The following MTHFSD variants were observed in gnomAD, a reference collection of about 807,000 sequenced individuals.
The protein encoded by MTHFSD is methenyltetrahydrofolate synthetase domain containing.
MTHFSD carries 37 observed loss-of-function variants against 31.1 expected under a neutral mutation model. That is an observed-to-expected ratio of 1.19 (90% confidence interval 0.91 to 1.56). The LOEUF is 1.56. Ranked by LOEUF, MTHFSD falls within the 40% of genes most tolerant of loss-of-function variation. MTHFSD has a pLI of 0.00. For missense variants in MTHFSD, 664 were observed against 510.1 expected, an observed-to-expected ratio of 1.30 and a Z score of -2.91; for synonymous variants, 221 against 206.9, an observed-to-expected ratio of 1.07 and a Z score of -0.59.
At position 86,542,526 on chromosome 16, in the gene MTHFSD, A is replaced by T. The variant is rs994280330; in HGVS notation, c.443-313T>A. ...TGTCAGCTTTATGTTAGCAAGACTC[A>T]TACTTAAAAAGAATGAAAAGAGCAG... On this transcript the variant is annotated intron_variant, in intron 5 of 7. Transcript: ENST00000360900. The surrounding 1 kb of genome is among the most constrained non-coding windows in gnomAD (Gnocchi z 4.6). 1 of 254,144 alleles carries T rather than the reference A, an allele frequency of 3.9e-6. No individual in the cohort carries two copies. Among genetic ancestry groups the T allele is most frequent in the Non-Finnish European group, 7.5e-6 (1 of 134,056 alleles). The allele number at this position is 254,144 out of a possible 1,614,324, so 15.7% of individuals were successfully genotyped here. A position where few individuals can be genotyped will look rare whatever the true frequency, so the allele number is the denominator to read the frequency against.
At chr16:86,541,291 TAA>T (rs34551811) in intron 7 of MTHFSD, 6,026 of 763,740 alleles carry the variant, frequency 7.9e-3, no homozygotes, top group South Asian at 0.018. Flanking sequence ...AGATCGTCAG[TAA>T]AAAAAAAAAA....
At chr16:86,551,909 A>T in intron 3 of MTHFSD, 124 bp downstream of exon 3, 1 of 1,504,124 alleles carries the variant, frequency 6.6e-7, no homozygotes, top group Non-Finnish European at 8.8e-7. Context: ...CACTTTCTGT[A>T]TTGGAGGGAA....
rs371958333 is a variant in MTHFSD, at chr16:86,541,844, A to T, written c.556-22T>A. The T allele has an allele frequency of 1.7e-4, 271 of 1,613,174 alleles. 1 individual carries two copies. The highest frequency in any genetic ancestry group is 2.1e-4 in the Non-Finnish European group (242 of 1,179,362). Reference sequence around the variant, plus strand: ...CGACCTGGGGGAAGAGAGGAGGGATAAAGGGGCTGCTGGGAATGCCACTGC... The same window carrying T: ...CGACCTGGGGGAAGAGAGGAGGGATTAAGGGGCTGCTGGGAATGCCACTGC... On this transcript the variant is annotated intron_variant, in intron 6 of 7. Coordinates refer to ENST00000360900, the MANE Select transcript of MTHFSD (RefSeq NM_001159377.2).
At chr16:86,544,165 G>T (rs908216201) in intron 5 of MTHFSD, among the ~76,000 whole-genome samples, 10 of 151,404 alleles carry the variant, frequency 6.6e-5, no homozygotes, top group Non-Finnish European at 5.9e-5. Context: ...TCCTGAAACC[G>T]TCCCCTCCCT....
chr16:86,554,798 G>A, intron 1 of MTHFSD, 47 bp from the exon 2 acceptor site: 1 of 1,527,284 alleles, frequency 6.5e-7, no homozygotes, highest in Non-Finnish European at 9.1e-7. Context: ...GAATTCCAGA[G>A]CCCATGCTGA....
intron 2 of MTHFSD, 157 bp from the exon 3 acceptor site, chr16:86,552,303 T>G: frequency 6.4e-7 from 1 of 1,550,546 alleles, no homozygotes; most frequent in Non-Finnish European, 8.7e-7. Context: ...CTGTTTCCAA[T>G]GCAATCGCAC....
At chr16:86,554,199 G>T (rs1973682843) in intron 2 of MTHFSD, among the ~76,000 whole-genome samples, 1 of 152,138 alleles carries the variant, frequency 6.6e-6, no homozygotes, top group South Asian at 2.1e-4. Flanking sequence ...CCCTGCCTTT[G>T]TGAGCTGCAA....
Position 86,546,618 on chromosome 16 carries a change from A to G in MTHFSD, c.383T>C (p.Leu128Ser). ...GVRNYSVPIG[L>S]DSRVLVDLVV... Reference sequence around the variant, plus strand: ...TAAATCCACGAGGACTCTGGAGTCCAAGCCTATGGGGACACTGTAGTTCCT... The same window carrying G: ...TAAATCCACGAGGACTCTGGAGTCCGAGCCTATGGGGACACTGTAGTTCCT... The change falls in exon 5 of 8, where the codon TTG becomes TCG. Residue 128 changes from leucine to serine, a missense_variant. Transcript: ENST00000360900. 6.2e-7 allele frequency: 1 copy of G among 1,613,988 alleles called. No homozygotes were observed. Among genetic ancestry groups the G allele is most frequent in the Non-Finnish European group, 8.5e-7 (1 of 1,180,012 alleles).
In MTHFSD at chr16:86,530,527, G is replaced by C. The variant is rs1009436399; in HGVS notation, c.*1484C>G. 2 of 152,120 alleles carry C rather than the reference G, an allele frequency of 1.3e-5. No homozygotes were observed. The highest frequency in any genetic ancestry group is 4.8e-5 in the African/African-American group (2 of 41,396). 9.4% of individuals were successfully genotyped at this position (152,120 alleles called of 1,614,324 possible). A position where few individuals can be genotyped will look rare whatever the true frequency, so the allele number is the denominator to read the frequency against. ...GCAGGGCTGTGCCCACTGCCGGTGG[G>C]GCAGGGAGTGGAGAAGGGGGGCTGA... On this transcript the variant is annotated 3_prime_UTR_variant, in exon 8 of 8. Coordinates refer to ENST00000360900, the MANE Select transcript of MTHFSD (RefSeq NM_001159377.2).
At position 86,552,248 on chromosome 16, in the gene MTHFSD, G is replaced by C. The variant is rs372085923; in HGVS notation, c.124-102C>G. 3.1e-6 allele frequency: 5 copies of C among 1,609,794 alleles called. No individual in the cohort carries two copies. In the African/African-American group the frequency reaches 6.7e-5, roughly 22 times the overall value. The stretch of plus-strand genomic sequence containing the variant: ...TTACTTTAATGGTCCTGGCCGTTTT[G>C]AACGCCTGCAAGCGTGGGAGTTGCT... On this transcript the variant is annotated intron_variant, in intron 2 of 7. Coordinates refer to ENST00000360900, the MANE Select transcript of MTHFSD (RefSeq NM_001159377.2).
At chr16:86,541,873 C>G in intron 6 of MTHFSD, 51 bp from the exon 7 acceptor site, 1 of 1,606,748 alleles carries the variant, frequency 6.2e-7, no homozygotes. Context: ...CCACTGCAGT[C>G]GTGCACACTG....
chr16:86,552,107 C>T lies in MTHFSD; in HGVS notation c.163G>A (p.Val55Ile), dbSNP rs1415038379. Residue 55 changes from valine to isoleucine, a missense_variant, in exon 3 of 8, where the codon GTT becomes ATT. Physicochemically the swap from Val to Ile is conservative, Grantham distance 29. Coordinates refer to ENST00000360900, the MANE Select transcript of MTHFSD (RefSeq NM_001159377.2). Reference sequence around the variant, plus strand: ...TTAACTTCCTGTGTTCTGGCAAAAACGTCTAGGTCTTTGATGTTTTGGCAA... The same window carrying T: ...TTAACTTCCTGTGTTCTGGCAAAAATGTCTAGGTCTTTGATGTTTTGGCAA... ...LACQNIKDLD[V>I]FARTQEVKVD... The T allele has an allele frequency of 4.3e-6, 7 of 1,614,176 alleles. No homozygotes were observed. Among genetic ancestry groups the T allele is most frequent in the Non-Finnish European group, 5.9e-6 (7 of 1,180,042 alleles).
Position 86,532,483 on chromosome 16 carries a change from T to A in MTHFSD, c.682-2A>T. 7.1e-7 allele frequency: 1 copy of A among 1,402,904 alleles called. No individual in the cohort carries two copies. Among genetic ancestry groups the A allele is most frequent in the African/African-American group, 1.5e-5 (1 of 67,848 alleles). 86.9% of individuals were successfully genotyped at this position (1,402,904 alleles called of 1,614,324 possible). On this transcript the variant is annotated splice_acceptor_variant, in intron 7 of 7. Coordinates refer to ENST00000360900, the MANE Select transcript of MTHFSD (RefSeq NM_001159377.2). LOFTEE classifies it high-confidence loss of function. ...TTTCTCCATCATCTCCAGGCTGATC[T>A]GAAAAGCAAAGCAGTTGCAGCTCTT...
chr16:86,551,161 T>C (rs1247458516), intron 3 of MTHFSD, among the ~76,000 whole-genome samples: 2 of 152,258 alleles, frequency 1.3e-5, no homozygotes, highest in East Asian at 3.8e-4. Flanking sequence ...TTTGGTTTTA[T>C]AGTTACATAA....
intron 5 of MTHFSD, among the ~76,000 whole-genome samples, chr16:86,545,325 G>A (rs960443836): frequency 4.6e-5 from 7 of 152,190 alleles, no homozygotes; most frequent in African/African-American, 7.2e-5. Flanking sequence ...GCAGCTTTCT[G>A]TGCTGTTCAA....
In MTHFSD at chr16:86,546,596, A is replaced by G. The variant is rs1177058883; in HGVS notation, c.405T>C (p.Asp135=). ...CGGCGACGGATCCCACCACAACTAA[A>G]TCCACGAGGACTCTGGAGTCCAAGC... ...PIGLDSRVLV[D]LVVVGSVAVS... The change falls in exon 5 of 8, where the codon GAT becomes GAC. Residue 135 remains aspartate, a synonymous_variant. Coordinates refer to ENST00000360900, the MANE Select transcript of MTHFSD (RefSeq NM_001159377.2). The G allele has an allele frequency of 2.5e-6, 4 of 1,613,806 alleles. No individual in the cohort carries two copies. In the Admixed American group the frequency reaches 6.7e-5, roughly 27 times the overall value.
intron 5 of MTHFSD, among the ~76,000 whole-genome samples, chr16:86,543,575 C>T (rs996702720): frequency 1.3e-4 from 20 of 152,248 alleles, no homozygotes; most frequent in African/African-American, 4.8e-4. Context: ...TTCCTCAACA[C>T]GGGCCCAGGA....
intron 7 of MTHFSD, among the ~76,000 whole-genome samples, chr16:86,536,278 C>T (rs1408291648): frequency 6.6e-6 from 1 of 152,198 alleles, no homozygotes; most frequent in Non-Finnish European, 1.5e-5. Flanking sequence ...CAAATAGCCA[C>T]AGTGAAATAA....
At chr16:86,548,724 T>G (rs1972702793) in intron 3 of MTHFSD, 147 bp from the exon 4 acceptor site, 1 of 626,438 alleles carries the variant, frequency 1.6e-6, no homozygotes, top group Non-Finnish European at 2.6e-6. Flanking sequence ...ATTACTTATT[T>G]GAAAACCTAA....
Sources: gnomAD v4.1 joint callset for allele counts (sites outside exome capture counted in the v4.1 genomes callset) on GRCh38, gnomAD v4.1.1 for gene constraint, Gnocchi (gnomAD v3.1) non-coding constraint, MANE v1.5 for transcripts, NCBI Gene and HGNC (gene_info 2026-07-23, HGNC 2026-07-21) for gene names.